Variants in ADCY8 observed in about 807,000 individuals in gnomAD.
The protein encoded by ADCY8 is adenylate cyclase 8.
ADCY8 carries 51 observed loss-of-function variants against 119.7 expected under a neutral mutation model. The ratio of observed to expected loss-of-function variants is 0.43; its 90% confidence interval spans 0.34 to 0.54. The LOEUF is 0.54. Among genes scored for constraint, ADCY8 ranks in the 20% least tolerant of loss-of-function variants. The pLI is 0.03. For missense variants in ADCY8, 1,383 were observed against 1,598.8 expected (o/e 0.87, Z 2.30); for synonymous variants, 665 against 651.0 (o/e 1.02, Z -0.33).
At chr8:130,874,414 G>T (rs1342178902) in intron 8 of ADCY8, among the ~76,000 whole-genome samples, 11 of 152,064 alleles carry the variant, frequency 7.2e-5, no homozygotes, top group Non-Finnish European at 1.5e-4. Context: ...AGTAATTTTT[G>T]AATTTCAAAA....
At chr8:130,832,600 G>A (rs1816871950) in intron 12 of ADCY8, among the ~76,000 whole-genome samples, 1 of 152,106 alleles carries the variant, frequency 6.6e-6, no homozygotes, top group South Asian at 2.1e-4. Flanking sequence ...TCCATTGATA[G>A]CAAAGAGTAA....
intron 7 of ADCY8, among the ~76,000 whole-genome samples, chr8:130,898,805 G>A (rs1819496152): frequency 6.6e-6 from 1 of 152,070 alleles, no homozygotes; most frequent in Non-Finnish European, 1.5e-5. Flanking sequence ...AAAAACCTTT[G>A]GTATCTTCTT....
intron 14 of ADCY8, among the ~76,000 whole-genome samples, chr8:130,805,185 A>G (rs890031295): frequency 2.0e-5 from 3 of 152,254 alleles, no homozygotes; most frequent in Non-Finnish European, 2.9e-5. Context: ...AAAAGATTGC[A>G]CATACATCAT....
At chr8:130,941,996 C>G (rs1820970110) in intron 4 of ADCY8, among the ~76,000 whole-genome samples, 1 of 152,260 alleles carries the variant, frequency 6.6e-6, no homozygotes, top group South Asian at 2.1e-4. Context: ...ATAAAACAAC[C>G]ACCATAATAA....
rs982510054 is a variant in ADCY8 at position 130,881,952 on chromosome 8, A to C, written c.2109+2612T>G. On this transcript the variant is annotated intron_variant, in intron 8 of 17. Coordinates refer to ENST00000286355, the MANE Select transcript of ADCY8 (RefSeq NM_001115.3). ...TCTTGGGGAGCTTCTTCCCTTTATTAAATCAATACCAGGGTATAGGCATAT... is the reference window on the plus strand; with the variant it reads ...TCTTGGGGAGCTTCTTCCCTTTATTCAATCAATACCAGGGTATAGGCATAT... Among the ~76,000 whole-genome samples the C allele has an allele frequency of 4.3e-4, 65 of 151,530 alleles. 2 individuals are homozygous for C. Among genetic ancestry groups the C allele is most frequent in the Admixed American group, 2.6e-4 (4 of 15,200 alleles).
At chr8:130,841,769 C>T (rs1253892812) in intron 11 of ADCY8, among the ~76,000 whole-genome samples, 2 of 152,186 alleles carry the variant, frequency 1.3e-5, no homozygotes, top group African/African-American at 4.8e-5. Context: ...GAAAAGAAAT[C>T]AAGCAGACAA....
At chr8:130,915,739 AT>A (rs1454987694) in intron 5 of ADCY8, among the ~76,000 whole-genome samples, 2 of 152,188 alleles carry the variant, frequency 1.3e-5, no homozygotes, top group East Asian at 3.9e-4. Context: ...AATCAGACCA[AT>A]AAAATGATGA....
chr8:130,824,990 C>T (rs558634727), intron 12 of ADCY8, among the ~76,000 whole-genome samples: 3 of 152,296 alleles, frequency 2.0e-5, no homozygotes, highest in Admixed American at 6.5e-5. Context: ...TTTTGAATTA[C>T]CCCAACTTCT....
At chr8:130,849,840 A>C (rs1413601315) in intron 9 of ADCY8, 37 bp from the exon 10 acceptor site, 2 of 1,577,078 alleles carry the variant, frequency 1.3e-6, no homozygotes, top group Non-Finnish European at 1.7e-6. Flanking sequence ...CATTGGCATC[A>C]ATTGTCTGAG....
At chr8:130,945,517 C>T (rs1162420241) in intron 3 of ADCY8, among the ~76,000 whole-genome samples, 2 of 152,230 alleles carry the variant, frequency 1.3e-5, no homozygotes, top group African/African-American at 4.8e-5. Context: ...AGCCCTAGCT[C>T]TGTAAACTGG....
At chr8:130,824,162 G>A (rs936756680) in intron 12 of ADCY8, among the ~76,000 whole-genome samples, 4 of 152,074 alleles carry the variant, frequency 2.6e-5, no homozygotes, top group Admixed American at 6.6e-5. Flanking sequence ...CGAATTTTTA[G>A]TTTATTATTA....
chr8:130,910,184 T>A (rs1156414556), intron 5 of ADCY8, among the ~76,000 whole-genome samples: 1 of 152,160 alleles, frequency 6.6e-6, no homozygotes, highest in East Asian at 1.9e-4. Flanking sequence ...CTTAGGTTCT[T>A]TAATAACTAG....
At chr8:130,797,531 C>T (rs1236769086) in intron 15 of ADCY8, among the ~76,000 whole-genome samples, 2 of 152,246 alleles carry the variant, frequency 1.3e-5, no homozygotes, top group Non-Finnish European at 2.9e-5. Flanking sequence ...ACTTAGCAAG[C>T]ATCTGCCATG....
intron 9 of ADCY8, among the ~76,000 whole-genome samples, chr8:130,866,717 A>G (rs75707662): frequency 0.068 from 10,405 of 152,308 alleles, 357 homozygotes; most frequent in Middle Eastern, 0.14. Flanking sequence ...CTAAAAGCAC[A>G]GACTTGGTCT....
At chr8:131,024,145 C>T (rs1823755620) in intron 1 of ADCY8, among the ~76,000 whole-genome samples, 1 of 152,180 alleles carries the variant, frequency 6.6e-6, no homozygotes, top group African/African-American at 2.4e-5. Context: ...ATCCACTGTT[C>T]AGGTGATTCA....
At chr8:130,990,264 G>C in intron 2 of ADCY8, 129 bp downstream of exon 2, 1 of 1,242,628 alleles carries the variant, frequency 8.0e-7, no homozygotes. Context: ...TCAGACTCTG[G>C]AATCCTGTGA....
chr8:131,031,138 A>C, intron 1 of ADCY8, among the ~76,000 whole-genome samples: 1 of 152,280 alleles, frequency 6.6e-6, no homozygotes, highest in Non-Finnish European at 1.5e-5. Flanking sequence ...TATCTATAGG[A>C]ATAGATATAT....
intron 1 of ADCY8, among the ~76,000 whole-genome samples, chr8:131,015,302 G>A (rs1226818489): frequency 6.6e-6 from 1 of 152,178 alleles, no homozygotes; most frequent in South Asian, 2.1e-4. Context: ...TGATTAAAAG[G>A]AGAAACAAAT....
At position 131,040,165 on chromosome 8, in the gene ADCY8, C is replaced by T; in HGVS notation, c.169G>A (p.Gly57Ser). 3 of 1,533,428 alleles carry T rather than the reference C, an allele frequency of 2.0e-6. No individual in the cohort carries two copies. The highest frequency in any genetic ancestry group is 4.9e-5 in the East Asian group (2 of 40,838). The allele number at this position is 1,533,428 out of a possible 1,614,324, so 95.0% of individuals were successfully genotyped here. Residue 57 changes from glycine (G) to serine (S), a missense_variant, in exon 1 of 18, where the codon GGC (glycine) becomes AGC (serine). By Grantham distance (56) the Gly-to-Ser change is moderately conservative (BLOSUM62 0). Transcript: ENST00000286355. Reference protein sequence around the residue: ...EQRFIHGHRGGSGSGSGGSGK... With the variant: ...EQRFIHGHRGSSGSGSGGSGK... ...GAGCCTCCACTCCCGCTGCCGCTGC[C>T]TCCCCGGTGCCCGTGAATGAAGCGC...
Sources: gnomAD v4.1 joint callset for allele counts (sites outside exome capture counted in the v4.1 genomes callset) on GRCh38, gnomAD v4.1.1 for gene constraint, MANE v1.5 for transcripts, NCBI Gene and HGNC (gene_info 2026-07-23, HGNC 2026-07-21) for gene names.